The following MAML2 variants were observed in gnomAD, a reference collection of about 807,000 sequenced individuals.
MAML2 encodes mastermind like transcriptional coactivator 2.
MAML2 carries 22 observed loss-of-function variants against 96.1 expected under a neutral mutation model. The observed-to-expected ratio is 0.23, with a 90% CI of 0.16 to 0.33. MAML2 has a LOEUF of 0.33. MAML2 is among the 10% of genes least tolerant of loss of function. The pLI, the probability that MAML2 is intolerant of heterozygous loss-of-function variation, is 1.00. For synonymous variants in MAML2, 561 were observed against 521.3 expected (o/e 1.08, Z -1.04); for missense variants, 1,367 against 1,392.4 (o/e 0.98, Z 0.29).
chr11:96,127,976 T>C (rs1419819084), intron 1 of MAML2, among the ~76,000 whole-genome samples: 11 of 152,208 alleles, frequency 7.2e-5, no homozygotes, highest in Admixed American at 7.2e-4. Context: ...ACTAGCTTAG[T>C]GCTTCTCAAA....
At chr11:96,268,180 A>G (rs1367889616) in intron 1 of MAML2, among the ~76,000 whole-genome samples, 1 of 152,198 alleles carries the variant, frequency 6.6e-6, no homozygotes, top group African/African-American at 2.4e-5. Context: ...TTAAGCATAC[A>G]TCTTAAAAAG....
chr11:96,342,027 G>GGTTGTGTGGGAGCCGTGGAGAA lies in MAML2; in HGVS notation c.-133_-132insTTCTCCACGGCTCCCACACAAC. 1.2e-6 allele frequency: 1 copy of GGTTGTGTGGGAGCCGTGGAGAA among 860,404 alleles called. No individual in the cohort carries two copies. Among genetic ancestry groups the GGTTGTGTGGGAGCCGTGGAGAA allele is most frequent in the Non-Finnish European group, 1.7e-6 (1 of 579,932 alleles). The allele number at this position is 860,404 out of a possible 1,614,324, so 53.3% of individuals were successfully genotyped here. ...GGCCACATGAATAGAGGTCTTCAGA[G>GGTTGTGTGGGAGCCGTGGAGAA]GTTGTGGGGGAGCCGTGGAGAAGTT... On this transcript the variant is annotated 5_prime_UTR_variant, in exon 1 of 5. Transcript: ENST00000524717.
intron 2 of MAML2, among the ~76,000 whole-genome samples, chr11:96,004,525 T>C (rs1858146484): frequency 6.6e-6 from 1 of 152,184 alleles, no homozygotes; most frequent in Non-Finnish European, 1.5e-5. Flanking sequence ...TGGCTGCTTG[T>C]TATACTCTTC....
intron 1 of MAML2, among the ~76,000 whole-genome samples, chr11:96,220,430 A>G (rs1474212004): frequency 3.3e-5 from 5 of 152,178 alleles, no homozygotes; most frequent in African/African-American, 9.7e-5. Context: ...CAGAGTCAGC[A>G]CATGCTTCCT....
At chr11:96,008,217 A>G (rs1858216314) in intron 2 of MAML2, among the ~76,000 whole-genome samples, 1 of 134,894 alleles carries the variant, frequency 7.4e-6, no homozygotes, top group Non-Finnish European at 1.6e-5. Context: ...TTTTTTCCTC[A>G]GCAATTTGGG....
At chr11:96,253,441 A>G (rs1195411951) in intron 1 of MAML2, among the ~76,000 whole-genome samples, 1 of 152,208 alleles carries the variant, frequency 6.6e-6, no homozygotes, top group Non-Finnish European at 1.5e-5. Context: ...AAATCTTCCT[A>G]TCTAGACTGT....
At position 96,268,678 on chromosome 11, in the gene MAML2, A is replaced by C. The variant is rs1178115860; in HGVS notation, c.513+72705T>G. Among the ~76,000 whole-genome samples, 3 of 152,244 alleles carry C rather than the reference A, an allele frequency of 2.0e-5. No homozygotes were observed. In the East Asian group the frequency reaches 5.8e-4, roughly 29 times the overall value. Reference sequence around the variant, plus strand: ...GAGGGACCCAGTGGGAGGTAATTGAATCATAGGGGTGAGTCTTTCCCATGC... The same window carrying C: ...GAGGGACCCAGTGGGAGGTAATTGACTCATAGGGGTGAGTCTTTCCCATGC... On this transcript the variant is annotated intron_variant, in intron 1 of 4. Coordinates refer to ENST00000524717, the MANE Select transcript of MAML2 (RefSeq NM_032427.4).
At chr11:96,136,924 T>C (rs1234716586) in intron 1 of MAML2, among the ~76,000 whole-genome samples, 1 of 152,224 alleles carries the variant, frequency 6.6e-6, no homozygotes, top group Non-Finnish European at 1.5e-5. Flanking sequence ...TGAGGGGTTA[T>C]AATTTCTGGG....
At chr11:95,990,880 A>G (rs1371358739) in intron 3 of MAML2, among the ~76,000 whole-genome samples, 1 of 152,146 alleles carries the variant, frequency 6.6e-6, no homozygotes, top group African/African-American at 2.4e-5. Context: ...AGGAGGGTTA[A>G]TGCATGAAGA....
At chr11:96,182,356 T>G (rs1246692765) in intron 1 of MAML2, among the ~76,000 whole-genome samples, 2 of 152,212 alleles carry the variant, frequency 1.3e-5, no homozygotes, top group Admixed American at 1.3e-4. Context: ...GGGCTTACTG[T>G]GTATCAGGCA....
At chr11:96,116,182 T>C (rs1860237509) in intron 1 of MAML2, among the ~76,000 whole-genome samples, 1 of 152,202 alleles carries the variant, frequency 6.6e-6, no homozygotes, top group Non-Finnish European at 1.5e-5. Context: ...TTTATACCGC[T>C]ATAAGTGTGA....
chr11:96,075,420 T>G (rs375013754), intron 2 of MAML2, among the ~76,000 whole-genome samples: 1 of 152,172 alleles, frequency 6.6e-6, no homozygotes, highest in South Asian at 2.1e-4. Context: ...GTCTGACAAA[T>G]TGTATGGTGT....
intron 1 of MAML2, among the ~76,000 whole-genome samples, chr11:96,112,654 A>G (rs548649742): frequency 6.6e-6 from 1 of 152,216 alleles, no homozygotes; most frequent in Non-Finnish European, 1.5e-5. Flanking sequence ...TAAGAGGAGG[A>G]TAGGCCTCTG....
At chr11:96,047,665 C>A (rs961780948) in intron 2 of MAML2, among the ~76,000 whole-genome samples, 3 of 151,910 alleles carry the variant, frequency 2.0e-5, no homozygotes, top group Non-Finnish European at 4.4e-5. Context: ...AATCCCAGCA[C>A]GTTGAAAGGC....
At chr11:96,072,309 A>G (rs1408406368) in intron 2 of MAML2, among the ~76,000 whole-genome samples, 1 of 152,166 alleles carries the variant, frequency 6.6e-6, no homozygotes, top group Non-Finnish European at 1.5e-5. Flanking sequence ...TGTTTCTTAT[A>G]CAATATTACC....
rs1005563945 is a variant in MAML2, at chr11:95,991,385, G to T, written c.2343+135C>A. ...CTTCCTGCAGTACACTAAATGTATG[G>T]AATTATCCTCTCTTACAGTCAGCAC... On this transcript the variant is annotated intron_variant, in intron 3 of 4. Transcript: ENST00000524717. 3 of 815,140 alleles carry T rather than the reference G, an allele frequency of 3.7e-6. No homozygotes were observed. The African/African-American group carries it at 5.1e-5, about 14-fold the overall frequency. 50.5% of individuals were successfully genotyped at this position (815,140 alleles called of 1,614,324 possible). A position where few individuals can be genotyped will look rare whatever the true frequency, so the allele number is the denominator to read the frequency against.
Position 96,299,054 on chromosome 11 carries a change from A to ATATATATATATAT in MAML2, c.513+42328_513+42329insATATATATATATA, listed in dbSNP as rs1484860694. Among the ~76,000 whole-genome samples, 112 of 36,124 alleles carry ATATATATATATAT rather than the reference A, an allele frequency of 3.1e-3. 1 individual carries two copies. The highest frequency in any genetic ancestry group is 6.0e-3 in the Admixed American group (21 of 3,506). The allele number at this position is 36,124 out of a possible 152,430, so 23.7% of individuals were successfully genotyped here. ...AGCGAGAGTCCATCTCAAAAAAAAA[A>ATATATATATATAT]AAAAAAATATATATATATATATATA... is the stretch of plus-strand genomic sequence containing the variant. On this transcript the variant is annotated intron_variant, in intron 1 of 4. Transcript: ENST00000524717.
At chr11:96,120,245 C>A (rs1441532569) in intron 1 of MAML2, among the ~76,000 whole-genome samples, 1 of 152,182 alleles carries the variant, frequency 6.6e-6, no homozygotes, top group Non-Finnish European at 1.5e-5. Context: ...GCGTGAGCCA[C>A]CGCGTCCGGC....
chr11:96,105,227 T>C (rs1860003428), intron 1 of MAML2, among the ~76,000 whole-genome samples: 1 of 152,236 alleles, frequency 6.6e-6, no homozygotes, highest in Non-Finnish European at 1.5e-5. Flanking sequence ...AAGAGCATTA[T>C]GAATGAAGAC....
Sources: gnomAD v4.1 joint callset for allele counts (sites outside exome capture counted in the v4.1 genomes callset) on GRCh38, gnomAD v4.1.1 for gene constraint, MANE v1.5 for transcripts, NCBI Gene and HGNC (gene_info 2026-07-23, HGNC 2026-07-21) for gene names.